Variants in PTPRD observed in about 807,000 individuals in gnomAD.
The protein encoded by PTPRD is protein tyrosine phosphatase receptor type D.
Under a neutral mutation model 214.5 loss-of-function variants are expected in PTPRD, and 34 were observed. That is an observed-to-expected ratio of 0.16 (90% CI 0.12 to 0.21). PTPRD has a LOEUF of 0.21. Among genes scored for constraint, PTPRD ranks in the 10% least tolerant of loss-of-function variants. The probability of loss-of-function intolerance (pLI) is 1.00; values close to 1 mark genes in which losing one functional copy is unlikely to be tolerated. For missense variants in PTPRD, 2,545 were observed against 2,398.7 expected (o/e 1.06, Z -1.27); for synonymous variants, 1,128 against 845.7 (o/e 1.33, Z -5.79).
At chr9:10,215,310 A>G (rs961845048) in intron 3 of PTPRD, among the ~76,000 whole-genome samples, 6 of 152,080 alleles carry the variant, frequency 3.9e-5, no homozygotes, top group Non-Finnish European at 8.8e-5. Flanking sequence ...CTAGGAATAA[A>G]GAATATAATT....
chr9:8,936,427 C>CAAAAAAAAAAAAAAAAAAAAAAA (rs1181403459), intron 11 of PTPRD, among the ~76,000 whole-genome samples: 11 of 31,648 alleles, frequency 3.5e-4, no homozygotes, highest in South Asian at 2.0e-3. Flanking sequence ...ACCCTGCCTC[C>CAAAAAAAAAAAAAAAAAAAAAAA]AAAAAAAAAA....
chr9:9,620,267 G>A (rs990352790), intron 7 of PTPRD, among the ~76,000 whole-genome samples: 20 of 152,102 alleles, frequency 1.3e-4, no homozygotes, highest in Admixed American at 3.9e-4. Flanking sequence ...AAAGGATACC[G>A]ATACCTACAT....
intron 3 of PTPRD, among the ~76,000 whole-genome samples, chr9:10,238,281 C>G (rs1364901183): frequency 6.6e-6 from 1 of 151,844 alleles, no homozygotes; most frequent in East Asian, 1.9e-4. Flanking sequence ...AACCTGAAAC[C>G]AATCTAATAG....
At chr9:9,471,139 T>C (rs1236638735) in intron 8 of PTPRD, among the ~76,000 whole-genome samples, 1 of 152,196 alleles carries the variant, frequency 6.6e-6, no homozygotes, top group African/African-American at 2.4e-5. Flanking sequence ...CCTTCCTTGG[T>C]CCTATAGTTG....
intron 35 of PTPRD, among the ~76,000 whole-genome samples, chr9:8,406,389 G>C (rs774723350): frequency 2.6e-5 from 4 of 152,070 alleles, no homozygotes; most frequent in Non-Finnish European, 5.9e-5. Context: ...CGGAACATTG[G>C]TATCTGTTGT....
chr9:8,629,265 A>G (rs2096164374), intron 14 of PTPRD, among the ~76,000 whole-genome samples: 1 of 151,860 alleles, frequency 6.6e-6, no homozygotes, highest in South Asian at 2.1e-4. Flanking sequence ...GCCCAAAAGA[A>G]GCAAGTACCC....
At chr9:10,240,915 T>C (rs554139259) in intron 3 of PTPRD, among the ~76,000 whole-genome samples, 9 of 151,770 alleles carry the variant, frequency 5.9e-5, no homozygotes, top group African/African-American at 2.2e-4. Context: ...AAAGATACAT[T>C]ACTTCAATTC....
intron 8 of PTPRD, among the ~76,000 whole-genome samples, chr9:9,472,539 A>G (rs1038622606): frequency 6.6e-6 from 1 of 152,042 alleles, no homozygotes; most frequent in Non-Finnish European, 1.5e-5. Context: ...AATCTCACAT[A>G]CTTGAGGGAA....
chr9:9,379,467 A>G (rs1311291611), intron 9 of PTPRD, among the ~76,000 whole-genome samples: 3 of 151,864 alleles, frequency 2.0e-5, no homozygotes. Context: ...AAGTCAGGTA[A>G]TATCAGTCCT....
chr9:10,098,926 A>T (rs1176165528), intron 3 of PTPRD, among the ~76,000 whole-genome samples: 1 of 151,696 alleles, frequency 6.6e-6, no homozygotes, highest in Non-Finnish European at 1.5e-5. Flanking sequence ...TACAGGTTAA[A>T]AATTGGAGCA....
At chr9:9,575,528 G>A (rs970126219) in intron 7 of PTPRD, among the ~76,000 whole-genome samples, 1 of 151,590 alleles carries the variant, frequency 6.6e-6, no homozygotes, top group Admixed American at 6.6e-5. Flanking sequence ...AGACAAGCCT[G>A]GCCAATATGG....
intron 21 of PTPRD, among the ~76,000 whole-genome samples, chr9:8,516,360 TGGCTTTCCTACAATGTCATAGA>T (rs1245177080): frequency 6.6e-6 from 1 of 152,196 alleles, no homozygotes; most frequent in African/African-American, 2.4e-5. Context: ...TTTTTATAGC[TGGCTTTCCTACAATGTCATAGA>T]GAAAAGAGTA....
chr9:9,051,652 A>G (rs1408356540), intron 10 of PTPRD, among the ~76,000 whole-genome samples: 1 of 150,402 alleles, frequency 6.6e-6, no homozygotes, highest in Non-Finnish European at 1.5e-5. Flanking sequence ...CAGGTATAAA[A>G]TAAGTTAATG....
rs541213524 is a variant in PTPRD, at chr9:8,341,631, G to A, written c.4947+62C>T. 66 of 1,565,318 alleles carry A rather than the reference G, an allele frequency of 4.2e-5. 1 individual carries two copies. In the South Asian group the frequency reaches 6.9e-4, roughly 16 times the overall value. The stretch of plus-strand genomic sequence containing the variant: ...ATTTGAAAGGTTAAAGTAAAGCCAC[G>A]ACTCAAAGACAAACCCAGAATGACT... On this transcript the variant is annotated intron_variant, in intron 40 of 45. Coordinates refer to ENST00000381196, the MANE Select transcript of PTPRD (RefSeq NM_002839.4).
At chr9:10,224,959 T>C in intron 3 of PTPRD, among the ~76,000 whole-genome samples, 1 of 152,062 alleles carries the variant, frequency 6.6e-6, no homozygotes, top group African/African-American at 2.4e-5. Flanking sequence ...TAATTAACTG[T>C]TTATGTTATC....
intron 9 of PTPRD, among the ~76,000 whole-genome samples, chr9:9,277,954 A>G (rs1348669223): frequency 6.6e-6 from 1 of 151,400 alleles, no homozygotes; most frequent in Non-Finnish European, 1.5e-5. Context: ...TGAAAGGATA[A>G]TTTTAGGACA....
intron 20 of PTPRD, among the ~76,000 whole-genome samples, chr9:8,519,918 G>A (rs911021101): frequency 6.6e-6 from 1 of 152,074 alleles, no homozygotes; most frequent in Non-Finnish European, 1.5e-5. Flanking sequence ...AATATTTAAA[G>A]CTGAAATGGT....
In PTPRD at chr9:9,080,998, G is replaced by C. The variant is rs994008571; in HGVS notation, c.-142-62263C>G. 5.3e-5 allele frequency among the ~76,000 whole-genome samples: 8 copies of C among 151,916 alleles called. No individual in the cohort carries two copies. The South Asian group carries it at 1.7e-3, about 32-fold the overall frequency. ...GTTTTTCATGTCTCTATCTCCTTCA[G>C]TTCTGCTTTGATCTTAGTTATTTCT... On this transcript the variant is annotated intron_variant, in intron 10 of 45. Coordinates refer to ENST00000381196, the MANE Select transcript of PTPRD (RefSeq NM_002839.4).
chr9:10,004,357 T>C (rs2096415592), intron 4 of PTPRD, among the ~76,000 whole-genome samples: 1 of 151,978 alleles, frequency 6.6e-6, no homozygotes, highest in Non-Finnish European at 1.5e-5. Flanking sequence ...TTCAAAAAAC[T>C]ATTTATTGAG....
Sources: allele counts gnomAD v4.1 joint callset (sites outside exome capture counted in the v4.1 genomes callset), GRCh38; gene constraint gnomAD v4.1.1; transcripts MANE v1.5; gene names NCBI Gene and HGNC (gene_info 2026-07-23, HGNC 2026-07-21).